Variants in SGSM1 observed in about 807,000 individuals in gnomAD.
The protein encoded by SGSM1 is small G protein signaling modulator 1, also known as RUN and TBC1 domain containing 2.
In SGSM1, 73 loss-of-function variants were observed where a neutral mutation model predicts 133.8. That is an observed-to-expected ratio of 0.55 (90% confidence interval 0.45 to 0.66). The LOEUF is 0.66. SGSM1 is among the 30% of genes least tolerant of loss of function. The pLI, the probability that SGSM1 is intolerant of heterozygous loss-of-function variation, is 0.00. For synonymous variants in SGSM1, 563 were observed against 573.0 expected (o/e 0.98, Z 0.25); for missense variants, 1,213 against 1,448.1 (o/e 0.84, Z 2.64).
At chr22:24,900,698 T>C (rs1028952906) in intron 19 of SGSM1, among the ~76,000 whole-genome samples, 2 of 152,178 alleles carry the variant, frequency 1.3e-5, no homozygotes, top group Non-Finnish European at 2.9e-5. Flanking sequence ...CGCCCCGCCT[T>C]ATTTCTTTAA....
At chr22:24,856,036 T>C in intron 8 of SGSM1, 1 of 424,894 alleles carries the variant, frequency 2.4e-6, no homozygotes, top group Non-Finnish European at 4.6e-6. Flanking sequence ...CATCCATCCA[T>C]CCATCCCTCC....
At chr22:24,821,906 A>G (rs1215913961) in intron 2 of SGSM1, among the ~76,000 whole-genome samples, 3 of 151,942 alleles carry the variant, frequency 2.0e-5, no homozygotes, top group Non-Finnish European at 4.4e-5. Context: ...TGTTAGGATT[A>G]ATGAACCCAC....
At chr22:24,914,292 C>CAAAAA (rs144720210) in intron 22 of SGSM1, among the ~76,000 whole-genome samples, 6 of 95,300 alleles carry the variant, frequency 6.3e-5, no homozygotes, top group South Asian at 3.7e-4. Flanking sequence ...GACTCCATCT[C>CAAAAA]AAAAAAAAAA....
chr22:24,813,713 G>A (rs990084955), intron 2 of SGSM1: 1 of 152,404 alleles, frequency 6.6e-6, no homozygotes, highest in Non-Finnish European at 1.5e-5. Context: ...GCTTTTGCTA[G>A]TGATGAGCAT....
intron 2 of SGSM1, among the ~76,000 whole-genome samples, chr22:24,812,403 T>C (rs1326329905): frequency 1.3e-5 from 2 of 152,100 alleles, no homozygotes; most frequent in Non-Finnish European, 2.9e-5. Context: ...CCACTGTCAG[T>C]CCGTGGAGAA....
chr22:24,819,605 A>G (rs770607958), intron 2 of SGSM1, among the ~76,000 whole-genome samples: 1 of 152,206 alleles, frequency 6.6e-6, no homozygotes, highest in African/African-American at 2.4e-5. Flanking sequence ...GGCACCAGCT[A>G]TGTGCTGGGT....
intron 8 of SGSM1, 135 bp downstream of exon 8, chr22:24,855,815 C>T (rs747938903): frequency 7.1e-6 from 9 of 1,273,010 alleles, no homozygotes; most frequent in Middle Eastern, 1.8e-4. Flanking sequence ...TCCACCCGCC[C>T]AACACTCATT....
chr22:24,860,070 T>C (rs1456977687), intron 9 of SGSM1, among the ~76,000 whole-genome samples: 1 of 152,266 alleles, frequency 6.6e-6, no homozygotes, highest in South Asian at 2.1e-4. Context: ...GGCATGGAAG[T>C]TGGCAATGCC....
At chr22:24,883,906 T>A in intron 14 of SGSM1, 147 bp from the exon 15 acceptor site, 2 of 945,714 alleles carry the variant, frequency 2.1e-6, no homozygotes, top group South Asian at 2.3e-5. Flanking sequence ...CAGTGAGCCA[T>A]GATAATAATA....
chr22:24,898,585 AT>A, intron 19 of SGSM1, 26 bp downstream of exon 19: 1 of 1,558,168 alleles, frequency 6.4e-7, no homozygotes. Context: ...CCTCCGTTCC[AT>A]TTCCTTCTTT....
In SGSM1 at chr22:24,824,279, G is replaced by A. The variant is rs60173695; in HGVS notation, c.63+17795G>A. On this transcript the variant is annotated intron_variant, in intron 2 of 24. Coordinates refer to ENST00000400358, the MANE Select transcript of SGSM1 (RefSeq NM_001098497.3). ...AGGACCAGGAGGTGGGAGTCACCTG[G>A]GTCACACAGAAGGAATGGCACATGT... 5.9e-3 allele frequency among the ~76,000 whole-genome samples: 898 copies of A among 152,252 alleles called. 11 individuals carry two copies. The highest frequency in any genetic ancestry group is 0.021 in the African/African-American group (852 of 41,542).
chr22:24,926,048 A>T lies in SGSM1; in HGVS notation c.*1774A>T, dbSNP rs928198529. 4 of 152,260 alleles carry T rather than the reference A, an allele frequency of 2.6e-5. No homozygotes were observed. 9.4% of individuals were successfully genotyped at this position (152,260 alleles called of 1,614,324 possible). A position where few individuals can be genotyped will look rare whatever the true frequency, so the allele number is the denominator to read the frequency against. On this transcript the variant is annotated 3_prime_UTR_variant, in exon 25 of 25. Coordinates refer to ENST00000400358, the MANE Select transcript of SGSM1 (RefSeq NM_001098497.3). Reference sequence around the variant, plus strand: ...GCCTCTAGGGTGGTCAGAGAATAGCAGCTGGGATTTTGGAGAGGGAGAGGA... The same window carrying T: ...GCCTCTAGGGTGGTCAGAGAATAGCTGCTGGGATTTTGGAGAGGGAGAGGA...
intron 22 of SGSM1, among the ~76,000 whole-genome samples, chr22:24,914,607 T>G (rs1255409172): frequency 6.6e-6 from 1 of 152,184 alleles, no homozygotes; most frequent in Non-Finnish European, 1.5e-5. Flanking sequence ...TATAATGCAT[T>G]TTTAAAAATT....
rs116843164 is a variant in SGSM1 at position 24,908,237 on chromosome 22, T to C, written c.2818+3050T>C. Among the ~76,000 whole-genome samples the C allele has an allele frequency of 2.5e-3, 381 of 152,274 alleles. 10 individuals are homozygous for C. The East Asian group carries it at 0.048, about 19-fold the overall frequency. ...ACTAACTCAAAATGGATCATAGACC[T>C]AAATGTAAGAACTAAAACTGTAAAA... On this transcript the variant is annotated intron_variant, in intron 21 of 24. Coordinates refer to ENST00000400358, the MANE Select transcript of SGSM1 (RefSeq NM_001098497.3).
chr22:24,837,587 C>CGT (rs746893469), intron 2 of SGSM1, among the ~76,000 whole-genome samples: 1 of 47,302 alleles, frequency 2.1e-5, no homozygotes. Context: ...GACCCCCCCC[C>CGT]CCCCTTTCCC....
At chr22:24,818,242 A>T (rs12161018) in intron 2 of SGSM1, among the ~76,000 whole-genome samples, 42,094 of 149,690 alleles carry the variant, frequency 0.28, 6,590 homozygotes, top group East Asian at 0.58. Context: ...AAAAAAAAAA[A>T]AAATAAAATA....
chr22:24,890,168 G>A (rs754383399), intron 16 of SGSM1, among the ~76,000 whole-genome samples: 5 of 151,792 alleles, frequency 3.3e-5, no homozygotes, highest in South Asian at 4.2e-4. Context: ...GTGTTAGATA[G>A]GATGGTCTCG....
chr22:24,838,183 A>G (rs1382483220), intron 2 of SGSM1, among the ~76,000 whole-genome samples: 2 of 152,208 alleles, frequency 1.3e-5, no homozygotes, highest in Admixed American at 6.5e-5. Context: ...CATTTGTTTT[A>G]AAGACTATCC....
intron 17 of SGSM1, 83 bp downstream of exon 17, chr22:24,893,696 G>T (rs1370755879): frequency 1.2e-5 from 16 of 1,374,392 alleles, no homozygotes; most frequent in African/African-American, 4.5e-5. Context: ...GAGTGGTGAA[G>T]ACTGGGTGTC....
Sources: gnomAD v4.1 joint callset for allele counts (sites outside exome capture counted in the v4.1 genomes callset) on GRCh38, gnomAD v4.1.1 for gene constraint, MANE v1.5 for transcripts, NCBI Gene and HGNC (gene_info 2026-07-23, HGNC 2026-07-21) for gene names.